The following AMHR2 variants were observed in gnomAD, a reference collection of about 807,000 sequenced individuals.
AMHR2 encodes anti-Mullerian hormone receptor type 2.
In AMHR2, 36 loss-of-function variants were observed where a neutral mutation model predicts 61.4. That is an observed-to-expected ratio of 0.59 (90% CI 0.45 to 0.77). The LOEUF is 0.77. Ranked by LOEUF, AMHR2 falls within the 30% of genes least tolerant of loss-of-function variation. The pLI, the probability that AMHR2 is intolerant of heterozygous loss-of-function variation, is 0.00. For missense variants in AMHR2, 638 were observed against 714.6 expected, an observed-to-expected ratio of 0.89 and a Z score of 1.22; for synonymous variants, 258 against 279.4, an observed-to-expected ratio of 0.92 and a Z score of 0.76.
intron 7 of AMHR2, 42 bp downstream of exon 7, chr12:53,429,052 T>C (rs1939869762): frequency 6.8e-7 from 1 of 1,481,148 alleles, no homozygotes; most frequent in Non-Finnish European, 9.2e-7. Context: ...GCCACAGTGC[T>C]ATGTTTGTGA....
rs1049644493 is a variant in AMHR2, at chr12:53,424,301, G to A, written c.63G>A (p.Arg21=). ...LPTAVEAPPN[R]RTCVFFEAPG... is the part of the protein sequence containing the mutation. The stretch of plus-strand genomic sequence containing the variant: ...CCTGGGCCTCAGCACCCCCAAACAG[G>A]CGAACCTGTGTGTTCTTTGAGGCCC... The change falls in exon 2 of 11, where the codon AGG becomes AGA. Residue 21 remains arginine, a synonymous_variant. Transcript: ENST00000257863. 1.2e-6 allele frequency: 2 copies of A among 1,612,494 alleles called. No homozygotes were observed. The highest frequency in any genetic ancestry group is 1.7e-6 in the Non-Finnish European group (2 of 1,180,008).
At chr12:53,431,099 G>A in intron 10 of AMHR2, 78 bp from the exon 11 acceptor site, 2 of 1,525,336 alleles carry the variant, frequency 1.3e-6, no homozygotes, top group Non-Finnish European at 1.8e-6. Flanking sequence ...GAGAGTGATG[G>A]ACACTGAAGA....
rs186948808 is a variant in AMHR2, at chr12:53,430,754, G to A, written c.1426-423G>A. The stretch of plus-strand genomic sequence containing the variant: ...AGGTATAAAAGGTGAAAGCAGTGGC[G>A]TCACAGTGAAAGTTCAGGGCTTTGC... On this transcript the variant is annotated intron_variant, in intron 10 of 10. Transcript: ENST00000257863. 160 of 347,028 alleles carry A rather than the reference G, an allele frequency of 4.6e-4. 2 individuals are homozygous for A. In the East Asian group the frequency reaches 5.2e-3, roughly 11 times the overall value. 21.5% of individuals were successfully genotyped at this position (347,028 alleles called of 1,614,324 possible).
At position 53,428,976 on chromosome 12, in the gene AMHR2, C is replaced by G. The variant is rs776996957; in HGVS notation, c.933C>G (p.Gly311=). ...GGATGGCACTGTCCCTGGCCCAGGG[C>G]CTGGCATTTCTCCATGAGGAGCGCT... ...SLRMALSLAQ[G]LAFLHEERWQ... Residue 311 remains glycine (G), a synonymous_variant, in exon 7 of 11, where the codon GGC becomes GGG. Coordinates refer to ENST00000257863, the MANE Select transcript of AMHR2 (RefSeq NM_020547.3). 2.9e-5 allele frequency: 45 copies of G among 1,551,358 alleles called. No individual in the cohort carries two copies. The African/African-American group carries it at 5.6e-4, about 19-fold the overall frequency.
intron 6 of AMHR2, among the ~76,000 whole-genome samples, chr12:53,427,029 C>T (rs1011535744): frequency 6.6e-6 from 1 of 151,802 alleles, no homozygotes; most frequent in Non-Finnish European, 1.5e-5. Context: ...TCAGGCACAG[C>T]CCTCCAAACT....
chr12:53,431,233 A>G lies in AMHR2; in HGVS notation c.1482A>G (p.Ala494=), dbSNP rs200026940. 1 of 1,614,214 alleles carries G rather than the reference A, an allele frequency of 6.2e-7. No individual in the cohort carries two copies. The highest frequency in any genetic ancestry group is 2.2e-5 in the East Asian group (1 of 44,884). ...ACTGTTGGGATGCAGACCCAGAAGC[A>G]CGGCTGACAGCTGAGTGTGTACAGC... ...LEDCWDADPE[A]RLTAECVQQR... is the part of the protein sequence containing the mutation. The change falls in exon 11 of 11, where the codon GCA becomes GCG. Residue 494 remains alanine (A), a synonymous_variant. Transcript: ENST00000257863.
chr12:53,431,234 C>T lies in AMHR2; in HGVS notation c.1483C>T (p.Arg495Trp), dbSNP rs749715622. Residue 495 changes from arginine (R) to tryptophan (W), a missense_variant, in exon 11 of 11, where the codon CGG becomes TGG. Physicochemically the swap from Arg to Trp is moderately radical, Grantham distance 101 (BLOSUM62 -3). Coordinates refer to ENST00000257863, the MANE Select transcript of AMHR2 (RefSeq NM_020547.3). ...EDCWDADPEA[R>W]LTAECVQQRL... is the part of the protein sequence containing the mutation. ...CTGTTGGGATGCAGACCCAGAAGCA[C>T]GGCTGACAGCTGAGTGTGTACAGCA... 10 of 1,614,254 alleles carry T rather than the reference C, an allele frequency of 6.2e-6. No homozygotes were observed. The highest frequency in any genetic ancestry group is 3.3e-5 in the Admixed American group (2 of 60,030).
rs779363422 is a variant in AMHR2 at position 53,431,348 on chromosome 12, T to A, written c.1597T>A (p.Cys533Ser). The change falls in exon 11 of 11, where the codon TGT becomes AGT. Residue 533 changes from cysteine to serine, a missense_variant. Coordinates refer to ENST00000257863, the MANE Select transcript of AMHR2 (RefSeq NM_020547.3). ...RGCPPLCPED[C>S]TSIPAPTILP... ...CTGCCCACCTCTCTGCCCAGAAGAC[T>A]GTACTTCAATTCCTGCCCCTACCAT... 1.9e-6 allele frequency: 3 copies of A among 1,614,190 alleles called. No homozygotes were observed. In the South Asian group the frequency reaches 3.3e-5, roughly 18 times the overall value.
At position 53,429,416 on chromosome 12, in the gene AMHR2, A is replaced by C. The variant is rs1939915676; in HGVS notation, c.968-37A>C. 3 of 1,595,952 alleles carry C rather than the reference A, an allele frequency of 1.9e-6. No homozygotes were observed. In the African/African-American group the frequency reaches 4.0e-5, roughly 21 times the overall value. ...CAAAAAAAAAAAAAGAGGGAGGAAG[A>C]AAATCCATGTTCCTTCAACCTTGGA... On this transcript the variant is annotated intron_variant, in intron 7 of 10. Coordinates refer to ENST00000257863, the MANE Select transcript of AMHR2 (RefSeq NM_020547.3).
In AMHR2 at chr12:53,424,479, C is replaced by T. The variant is rs1456945457; in HGVS notation, c.232+9C>T. The T allele has an allele frequency of 1.9e-6, 3 of 1,611,596 alleles. No homozygotes were observed. In the African/African-American group the frequency reaches 4.0e-5, roughly 22 times the overall value. On this transcript the variant is annotated intron_variant, in intron 2 of 10. Coordinates refer to ENST00000257863, the MANE Select transcript of AMHR2 (RefSeq NM_020547.3). ...ACAGGTGGAAATGCAAGGTGAATGG[C>T]AAAGTATATGGCAGGTGATGGCTAG...
rs1940080788 is a variant in AMHR2 at position 53,431,309 on chromosome 12, A to T, written c.1558A>T (p.Ser520Cys). 6.2e-7 allele frequency: 1 copy of T among 1,614,030 alleles called. No individual in the cohort carries two copies. The highest frequency in any genetic ancestry group is 1.1e-5 in the South Asian group (1 of 91,092). Reference protein sequence around the residue: ...HPQESHPFPESCPRGCPPLCP... With the variant: ...HPQESHPFPECCPRGCPPLCP... ...TCAAGAGAGCCACCCCTTTCCAGAG[A>T]GCTGTCCACGTGGCTGCCCACCTCT... Residue 520 changes from serine to cysteine, a missense_variant, in exon 11 of 11, where the codon AGC becomes TGC. Physicochemically the swap from Ser to Cys is moderately radical, Grantham distance 112. Coordinates refer to ENST00000257863, the MANE Select transcript of AMHR2 (RefSeq NM_020547.3).
In AMHR2 at chr12:53,428,895, G is replaced by T. The variant is rs1375257703; in HGVS notation, c.853-1G>T. ...ATCCTTTTCTCTCTGCGTTTCCCCAGGGCTCCCTGTGCCACTACTTGACCC... is the reference window on the plus strand; with the variant it reads ...ATCCTTTTCTCTCTGCGTTTCCCCATGGCTCCCTGTGCCACTACTTGACCC... On this transcript the variant is annotated splice_acceptor_variant, in intron 6 of 10. Coordinates refer to ENST00000257863, the MANE Select transcript of AMHR2 (RefSeq NM_020547.3). LOFTEE classifies it high-confidence loss of function. 29 of 1,550,434 alleles carry T rather than the reference G, an allele frequency of 1.9e-5. No homozygotes were observed. Among genetic ancestry groups the T allele is most frequent in the Non-Finnish European group, 2.4e-5 (28 of 1,146,162 alleles).
chr12:53,430,706 G>A (rs1355898777), intron 10 of AMHR2: 2 of 354,662 alleles, frequency 5.6e-6, no homozygotes, highest in East Asian at 6.8e-5. Context: ...TGTTTCTGCT[G>A]TGACCCAATA....
intron 6 of AMHR2, among the ~76,000 whole-genome samples, chr12:53,426,700 G>A (rs1047845461): frequency 6.6e-6 from 1 of 151,526 alleles, no homozygotes; most frequent in African/African-American, 2.4e-5. Context: ...ATTTTGGTGG[G>A]AGGACGGAGT....
intron 3 of AMHR2, 118 bp downstream of exon 3, chr12:53,425,018 G>T: frequency 6.4e-7 from 1 of 1,567,366 alleles, no homozygotes; most frequent in Non-Finnish European, 8.7e-7. Context: ...TCCTGGCCTT[G>T]GGAAGTTGGT....
intron 6 of AMHR2, among the ~76,000 whole-genome samples, chr12:53,427,254 A>C (rs1017333272): frequency 6.6e-6 from 1 of 152,190 alleles, no homozygotes; most frequent in African/African-American, 2.4e-5. Context: ...CTTGAAGGGG[A>C]GAGCAATGAG....
At position 53,424,749 on chromosome 12, in the gene AMHR2, C is replaced by T. The variant is rs774586083; in HGVS notation, c.273C>T (p.His91=). 6.2e-7 allele frequency: 1 copy of T among 1,613,832 alleles called. No homozygotes were observed. Among genetic ancestry groups the T allele is most frequent in the Admixed American group, 1.7e-5 (1 of 59,974 alleles). Residue 91 remains histidine (H), a synonymous_variant, in exon 3 of 11, where the codon CAC becomes CAT. Transcript: ENST00000257863. ...DSDEPGCESL[H]CDPSPRAHPS... ...ATGAGCCAGGCTGTGAGTCCCTCCA[C>T]TGTGACCCAAGTCCCCGAGCCCACC... is the stretch of plus-strand genomic sequence containing the variant.
intron 10 of AMHR2, chr12:53,430,505 C>G (rs1940020330): frequency 3.0e-6 from 2 of 665,182 alleles, no homozygotes; most frequent in Admixed American, 2.5e-5. Context: ...GAGACACACA[C>G]CTTCCTCCTG....
At position 53,431,607 on chromosome 12, in the gene AMHR2, A is replaced by G; in HGVS notation, c.*134A>G. ...CTTCTGCGGGCATCCAGTCCACATC[A>G]GTTCTGACCAGTGACTTGGGGTAGG... is the stretch of plus-strand genomic sequence containing the variant. On this transcript the variant is annotated 3_prime_UTR_variant, in exon 11 of 11. Transcript: ENST00000257863. The G allele has an allele frequency of 8.9e-7, 1 of 1,121,928 alleles. No homozygotes were observed. The highest frequency in any genetic ancestry group is 1.5e-5 in the African/African-American group (1 of 65,410). The allele number at this position is 1,121,928 out of a possible 1,614,324, so 69.5% of individuals were successfully genotyped here.
Sources: allele counts gnomAD v4.1 joint callset (sites outside exome capture counted in the v4.1 genomes callset), GRCh38; gene constraint gnomAD v4.1.1; transcripts MANE v1.5; gene names NCBI Gene and HGNC (gene_info 2026-07-23, HGNC 2026-07-21).